MYCBP2: variants seen among roughly 807,000 people sequenced by gnomAD.
MYCBP2 encodes the protein E3 ubiquitin-protein ligase MYCBP2.
Under a neutral mutation model 525.3 loss-of-function variants are expected in MYCBP2, and 120 were observed. The ratio of observed to expected loss-of-function variants is 0.23; its 90% CI spans 0.20 to 0.27. The LOEUF (loss-of-function observed/expected upper bound fraction) is 0.27. Ranked by LOEUF, MYCBP2 falls within the 10% of genes least tolerant of loss-of-function variation. MYCBP2 has a pLI of 1.00. For synonymous variants in MYCBP2, 1,894 were observed against 1,955.8 expected (o/e 0.97, Z 0.83); for missense variants, 4,149 against 5,657.1 (o/e 0.73, Z 8.55).
chr13:77,248,415 A>G lies in MYCBP2; in HGVS notation c.2381+2736T>C, dbSNP rs76971183. Among the ~76,000 whole-genome samples the G allele has an allele frequency of 7.7e-3, 1,178 of 152,308 alleles. 14 individuals carry two copies. The highest frequency in any genetic ancestry group is 0.02 in the Middle Eastern group (6 of 294). ...ATATAGAGAATTCCTAAAACTCATCAACAACAACAAAAGAAACTGACAACC... is the reference window on the plus strand; with the variant it reads ...ATATAGAGAATTCCTAAAACTCATCGACAACAACAAAAGAAACTGACAACC... On this transcript the variant is annotated intron_variant, in intron 15 of 82. Coordinates refer to ENST00000544440, the MANE Select transcript of MYCBP2 (RefSeq NM_015057.5).
At chr13:77,048,461 T>C (rs1044537092) in intron 82 of MYCBP2, among the ~76,000 whole-genome samples, 1 of 152,248 alleles carries the variant, frequency 6.6e-6, no homozygotes, top group African/African-American at 2.4e-5. Flanking sequence ...AATTGCTTCT[T>C]CTGTCCTTCT....
chr13:77,168,983 CTATTGT>C (rs1402534666), intron 39 of MYCBP2, among the ~76,000 whole-genome samples: 2 of 152,164 alleles, frequency 1.3e-5, no homozygotes, highest in Non-Finnish European at 2.9e-5. Flanking sequence ...TTTAACATTG[CTATTGT>C]TATTAATGAA....
intron 20 of MYCBP2, among the ~76,000 whole-genome samples, chr13:77,223,897 G>GAACTAA (rs2065914656): frequency 6.7e-6 from 1 of 149,826 alleles, no homozygotes; most frequent in African/African-American, 2.5e-5. Flanking sequence ...ATCATGTCAC[G>GAACTAA]AACTAAAACT....
At chr13:77,258,654 T>C (rs2072675242) in intron 13 of MYCBP2, among the ~76,000 whole-genome samples, 1 of 152,154 alleles carries the variant, frequency 6.6e-6, no homozygotes, top group Non-Finnish European at 1.5e-5. Flanking sequence ...TTTTGTTAAT[T>C]ATACCTCAAA....
chr13:77,049,083 C>T (rs2036194292), intron 82 of MYCBP2, among the ~76,000 whole-genome samples: 1 of 152,116 alleles, frequency 6.6e-6, no homozygotes, highest in Admixed American at 6.5e-5. Flanking sequence ...CCACAACCTA[C>T]AACTTTCATT....
chr13:77,116,272 T>A (rs1191835559), intron 55 of MYCBP2, among the ~76,000 whole-genome samples: 1 of 151,834 alleles, frequency 6.6e-6, no homozygotes, highest in Non-Finnish European at 1.5e-5. Context: ...CAAAAATAAA[T>A]CTCATTTTAC....
chr13:77,320,219 G>A (rs890583520), intron 1 of MYCBP2, among the ~76,000 whole-genome samples: 2 of 152,186 alleles, frequency 1.3e-5, no homozygotes, highest in African/African-American at 2.4e-5. Context: ...AGGGCAATGC[G>A]TGGAGTGGGA....
chr13:77,115,455 A>G (rs1401138856), intron 55 of MYCBP2, among the ~76,000 whole-genome samples: 3 of 151,898 alleles, frequency 2.0e-5, no homozygotes, highest in African/African-American at 7.2e-5. Context: ...ACATAAGACA[A>G]GGGAAATTTG....
At position 77,067,729 on chromosome 13, in the gene MYCBP2, G is replaced by A; in HGVS notation, c.12307C>T (p.Leu4103=). Residue 4103 remains leucine (L), a synonymous_variant, in exon 71 of 83, where the codon CTG becomes TTG. Transcript: ENST00000544440. Reference sequence around the variant, plus strand: ...CCTAGAAACATGTCCAAGATACCCAGCTTATTCCAGTCTCCTTTCTCTGTT... The same window carrying A: ...CCTAGAAACATGTCCAAGATACCCAACTTATTCCAGTCTCCTTTCTCTGTT... ...HSTEKGDWNK[L]GILDMFLGCI... 1 of 1,614,124 alleles carries A rather than the reference G, an allele frequency of 6.2e-7. No homozygotes were observed. The highest frequency in any genetic ancestry group is 8.5e-7 in the Non-Finnish European group (1 of 1,180,020).
intron 80 of MYCBP2, among the ~76,000 whole-genome samples, chr13:77,054,367 A>C (rs1390759831): frequency 6.6e-6 from 1 of 152,156 alleles, no homozygotes; most frequent in Non-Finnish European, 1.5e-5. Flanking sequence ...CCGTATTATA[A>C]GTAGAAGAGT....
At chr13:77,048,777 CT>C (rs2036132556) in intron 82 of MYCBP2, among the ~76,000 whole-genome samples, 2 of 152,176 alleles carry the variant, frequency 1.3e-5, no homozygotes, top group Non-Finnish European at 2.9e-5. Context: ...CGCCTCCCTC[CT>C]GTGATTCCTT....
In MYCBP2 at chr13:77,173,388, T is replaced by C. The variant is rs180769249; in HGVS notation, c.5651+923A>G. On this transcript the variant is annotated intron_variant, in intron 37 of 82. Transcript: ENST00000544440. ...AAAGAGAATAATGTACTATTTATTG[T>C]AGTGCTTATGTAACAGAAAGCTTTT... Among the ~76,000 whole-genome samples the C allele has an allele frequency of 1.9e-3, 288 of 152,350 alleles. 5 individuals are homozygous for C. Among genetic ancestry groups the C allele is most frequent in the Non-Finnish European group, 3.1e-3 (208 of 68,034 alleles).
At chr13:77,051,310 A>C in intron 81 of MYCBP2, 148 bp from the exon 82 acceptor site, 1 of 656,424 alleles carries the variant, frequency 1.5e-6, no homozygotes, top group Non-Finnish European at 2.4e-6. Flanking sequence ...GATGATACAC[A>C]TGTTTGAAAA....
At chr13:77,074,559 T>A (rs1271016448) in intron 68 of MYCBP2, among the ~76,000 whole-genome samples, 3 of 152,142 alleles carry the variant, frequency 2.0e-5, no homozygotes, top group Non-Finnish European at 4.4e-5. Context: ...TGTATGTGAG[T>A]GTTCACAGCA....
intron 59 of MYCBP2, chr13:77,092,464 C>G (rs1442551708): frequency 6.7e-6 from 1 of 150,108 alleles, no homozygotes; most frequent in African/African-American, 2.4e-5. Flanking sequence ...TTTTTTTTTT[C>G]CTCAAGCTGG....
In MYCBP2 at chr13:77,098,355, G is replaced by C. The variant is rs773523996; in HGVS notation, c.8799C>G (p.Val2933=). 2.5e-6 allele frequency: 4 copies of C among 1,612,648 alleles called. No individual in the cohort carries two copies. In the South Asian group the frequency reaches 3.3e-5, roughly 13 times the overall value. Residue 2933 remains valine, a synonymous_variant, in exon 56 of 83, where the codon GTC becomes GTG. Transcript: ENST00000544440. The part of the protein sequence containing the change: ...VVQENLHSEV[V]EVCTSSTLKT... ...TTAAAGTACTTGAGGTGCAGACTTC[G>C]ACCACCTCACTGTGGAGGTTTTCCT... is the stretch of plus-strand genomic sequence containing the variant.
chr13:77,174,535 G>A (rs770168046), intron 36 of MYCBP2, 46 bp from the exon 37 acceptor site: 1 of 1,458,614 alleles, frequency 6.9e-7, no homozygotes, highest in Non-Finnish European at 9.4e-7. Flanking sequence ...AATGTACAGA[G>A]GATATATAAA....
chr13:77,246,142 C>T (rs1464476683), intron 15 of MYCBP2, among the ~76,000 whole-genome samples: 1 of 152,070 alleles, frequency 6.6e-6, no homozygotes, highest in Non-Finnish European at 1.5e-5. Context: ...CTTTTGACAG[C>T]CTTGTTGAAC....
intron 21 of MYCBP2, 73 bp from the exon 22 acceptor site, chr13:77,212,233 A>G: frequency 7.5e-7 from 1 of 1,341,820 alleles, no homozygotes; most frequent in Non-Finnish European, 1.0e-6. Context: ...TTAAGGAGGC[A>G]GTAGATAAAA....
Sources: allele counts gnomAD v4.1 joint callset (sites outside exome capture counted in the v4.1 genomes callset), GRCh38; gene constraint gnomAD v4.1.1; transcripts MANE v1.5; gene names NCBI Gene and HGNC (gene_info 2026-07-23, HGNC 2026-07-21).